Variants in LHFPL3 observed in about 807,000 individuals in gnomAD.
LHFPL3 encodes LHFPL tetraspan subfamily member 3, also known as LHFPL tetraspan subfamily member 3 protein.
In LHFPL3, 5 loss-of-function variants were observed where a neutral mutation model predicts 19.3. That is an observed-to-expected ratio of 0.26 (90% CI 0.14 to 0.54). The LOEUF (loss-of-function observed/expected upper bound fraction) is 0.54. Ranked by LOEUF, LHFPL3 falls within the 20% of genes least tolerant of loss-of-function variation. The pLI, the probability that LHFPL3 is intolerant of heterozygous loss-of-function variation, is 0.94. For missense variants in LHFPL3, 249 were observed against 307.4 expected (o/e 0.81, Z 1.42); for synonymous variants, 133 against 126.2 (o/e 1.05, Z -0.36).
chr7:104,483,843 C>G (rs760325721), intron 1 of LHFPL3, among the ~76,000 whole-genome samples: 3 of 152,104 alleles, frequency 2.0e-5, no homozygotes, highest in Non-Finnish European at 4.4e-5. Context: ...TCAGGCTTGT[C>G]TGAAACTCCT....
chr7:104,660,707 G>T (rs905806373), intron 1 of LHFPL3, among the ~76,000 whole-genome samples: 8 of 152,164 alleles, frequency 5.3e-5, no homozygotes, highest in Non-Finnish European at 8.8e-5. Flanking sequence ...TGCCTTGAAG[G>T]TTATATTAAT....
intron 2 of LHFPL3, among the ~76,000 whole-genome samples, chr7:104,817,067 C>A (rs1562802183): frequency 6.6e-6 from 1 of 152,208 alleles, no homozygotes; most frequent in African/African-American, 2.4e-5. Context: ...ATCCCACACA[C>A]CCTGGCCTTC....
chr7:104,853,892 GA>G (rs1197445061), intron 2 of LHFPL3, among the ~76,000 whole-genome samples: 1 of 152,118 alleles, frequency 6.6e-6, no homozygotes, highest in Non-Finnish European at 1.5e-5. Flanking sequence ...CCCAATTTCT[GA>G]CTGTAGGTAA....
intron 1 of LHFPL3, among the ~76,000 whole-genome samples, chr7:104,607,995 C>A (rs1473514975): frequency 1.3e-5 from 2 of 152,124 alleles, no homozygotes; most frequent in African/African-American, 4.8e-5. Flanking sequence ...AGTCAGGAAA[C>A]AACAGGTGCT....
intron 2 of LHFPL3, among the ~76,000 whole-genome samples, chr7:104,776,449 C>G (rs1257250704): frequency 6.6e-6 from 1 of 152,170 alleles, no homozygotes; most frequent in Non-Finnish European, 1.5e-5. Context: ...GAATTGCACC[C>G]CCCACAGCCA....
At position 104,488,724 on chromosome 7, in the gene LHFPL3, G is replaced by C. The variant is rs541165102; in HGVS notation, c.445+159500G>C. The stretch of plus-strand genomic sequence containing the variant: ...AGACGGATAGCAACAGACTGCAAGC[G>C]TAGTTGAGGTGTGAATGCAGGGTCA... On this transcript the variant is annotated intron_variant, in intron 1 of 2. Coordinates refer to ENST00000424859, the MANE Select transcript of LHFPL3 (RefSeq NM_199000.3). Among the ~76,000 whole-genome samples the C allele has an allele frequency of 2.6e-5, 4 of 152,312 alleles. No homozygotes were observed. The South Asian group carries it at 8.3e-4, about 32-fold the overall frequency.
At chr7:104,559,546 G>A (rs1166090839) in intron 1 of LHFPL3, among the ~76,000 whole-genome samples, 1 of 151,548 alleles carries the variant, frequency 6.6e-6, no homozygotes, top group African/African-American at 2.4e-5. Flanking sequence ...CTGAGACTTT[G>A]CTGAAGTTGC....
chr7:104,672,409 G>C (rs1792502065), intron 1 of LHFPL3, among the ~76,000 whole-genome samples: 1 of 152,176 alleles, frequency 6.6e-6, no homozygotes, highest in East Asian at 1.9e-4. Context: ...TCATCTTGGT[G>C]TTCTCAGTTC....
At position 104,824,659 on chromosome 7, in the gene LHFPL3, ATATT is replaced by A. The variant is rs1330977358; in HGVS notation, c.683-81524_683-81521del. 7.6e-4 allele frequency among the ~76,000 whole-genome samples: 68 copies of A among 89,100 alleles called. 1 individual carries two copies. Among genetic ancestry groups the A allele is most frequent in the African/African-American group, 2.9e-3 (62 of 21,184 alleles). 58.5% of individuals were successfully genotyped at this position (89,100 alleles called of 152,430 possible). A position where few individuals can be genotyped will look rare whatever the true frequency, so the allele number is the denominator to read the frequency against. On this transcript the variant is annotated intron_variant, in intron 2 of 2. Coordinates refer to ENST00000424859, the MANE Select transcript of LHFPL3 (RefSeq NM_199000.3). The stretch of plus-strand genomic sequence containing the variant: ...TATTTTATATATTATATATAATTAT[ATATT>A]TATATATTTGGCATTATATATAATA...
At chr7:104,722,056 C>G (rs562642168) in intron 1 of LHFPL3, among the ~76,000 whole-genome samples, 17 of 151,988 alleles carry the variant, frequency 1.1e-4, no homozygotes, top group African/African-American at 3.9e-4. Context: ...TGGGTATTAA[C>G]CCTTAAAATT....
intron 1 of LHFPL3, among the ~76,000 whole-genome samples, chr7:104,386,327 A>G (rs1386365356): frequency 6.6e-6 from 1 of 152,230 alleles, no homozygotes; most frequent in Non-Finnish European, 1.5e-5. Flanking sequence ...TTCTGTAGGA[A>G]AAACACTATA....
Position 104,778,660 on chromosome 7 carries a change from G to A in LHFPL3, c.682+41749G>A, listed in dbSNP as rs139540335. 1.3e-4 allele frequency among the ~76,000 whole-genome samples: 20 copies of A among 152,196 alleles called. 1 individual carries two copies. The highest frequency in any genetic ancestry group is 2.6e-4 in the Non-Finnish European group (18 of 68,002). On this transcript the variant is annotated intron_variant, in intron 2 of 2. Transcript: ENST00000424859. ...CCTACTTAGGGCTCACTTTCCCCTC[G>A]CACTATCATCTACCACTTCTCCGCC...
intron 1 of LHFPL3, among the ~76,000 whole-genome samples, chr7:104,563,274 C>T (rs1217613415): frequency 6.6e-6 from 1 of 152,226 alleles, no homozygotes; most frequent in Non-Finnish European, 1.5e-5. Flanking sequence ...GGCGCCCCTC[C>T]CCCAGCCTCG....
chr7:104,374,202 C>A (rs13226782), intron 1 of LHFPL3, among the ~76,000 whole-genome samples: 14,159 of 48,968 alleles, frequency 0.29, 656 homozygotes, highest in East Asian at 0.43. Context: ...ATCTATCTAT[C>A]TATATATGTG....
In LHFPL3 at chr7:104,328,603, G is replaced by A. The variant is rs1425624623; in HGVS notation, c.-177G>A. 4.8e-6 allele frequency: 3 copies of A among 627,034 alleles called. No homozygotes were observed. The highest frequency in any genetic ancestry group is 5.8e-5 in the Admixed American group (2 of 34,482). 38.8% of individuals were successfully genotyped at this position (627,034 alleles called of 1,614,324 possible). ...CAGGCGAGCCGGAGGGGTGCTCCGC[G>A]CTCCCCCGCCCTCCTTCCGGGAGCG... is the stretch of plus-strand genomic sequence containing the variant. On this transcript the variant is annotated 5_prime_UTR_variant, in exon 1 of 3. Coordinates refer to ENST00000424859, the MANE Select transcript of LHFPL3 (RefSeq NM_199000.3). The surrounding 1 kb of genome is among the most constrained non-coding windows in gnomAD (Gnocchi z 4.6).
At chr7:104,832,327 A>C (rs1213232949) in intron 2 of LHFPL3, among the ~76,000 whole-genome samples, 4 of 151,940 alleles carry the variant, frequency 2.6e-5, no homozygotes, top group Non-Finnish European at 5.9e-5. Flanking sequence ...AAAACACCTA[A>C]CTATGAAGGA....
At chr7:104,362,069 C>A (rs1013350543) in intron 1 of LHFPL3, among the ~76,000 whole-genome samples, 36 of 152,364 alleles carry the variant, frequency 2.4e-4, no homozygotes, top group African/African-American at 7.7e-4. Context: ...GCTAGGTCTT[C>A]TTCTTCCCAG....
intron 1 of LHFPL3, among the ~76,000 whole-genome samples, chr7:104,632,318 T>C (rs1396228948): frequency 6.6e-6 from 1 of 152,154 alleles, no homozygotes; most frequent in Non-Finnish European, 1.5e-5. Context: ...ATAATTAAGT[T>C]GCATAGGACC....
At chr7:104,618,029 A>G (rs992682457) in intron 1 of LHFPL3, among the ~76,000 whole-genome samples, 7 of 152,146 alleles carry the variant, frequency 4.6e-5, no homozygotes, top group African/African-American at 1.7e-4. Flanking sequence ...TCACTGCCCA[A>G]TGTCTTGGTT....
Sources: gnomAD v4.1 joint callset for allele counts (sites outside exome capture counted in the v4.1 genomes callset) on GRCh38, gnomAD v4.1.1 for gene constraint, Gnocchi (gnomAD v3.1) non-coding constraint, MANE v1.5 for transcripts, NCBI Gene and HGNC (gene_info 2026-07-23, HGNC 2026-07-21) for gene names.